HSD11B1: variants seen among roughly 807,000 people sequenced by gnomAD.
HSD11B1 encodes the protein hydroxysteroid 11-beta dehydrogenase 1, also known as 11-beta-hydroxysteroid dehydrogenase 1.
In HSD11B1, 15 loss-of-function variants were observed where a neutral mutation model predicts 22.1. The ratio of observed to expected loss-of-function variants is 0.68; its 90% confidence interval spans 0.45 to 1.04. The LOEUF (loss-of-function observed/expected upper bound fraction) is 1.04. Among genes scored for constraint, HSD11B1 ranks in the 50% least tolerant of loss-of-function variants. The pLI, the probability that HSD11B1 is intolerant of heterozygous loss-of-function variation, is 0.00. For synonymous variants in HSD11B1, 122 were observed against 125.2 expected (o/e 0.97, Z 0.17); for missense variants, 281 against 357.6 (o/e 0.79, Z 1.73).
intron 4 of HSD11B1, among the ~76,000 whole-genome samples, chr1:209,707,420 T>C (rs1042679335): frequency 6.7e-6 from 1 of 148,548 alleles, no homozygotes; most frequent in African/African-American, 2.5e-5. Context: ...AGTTACAATA[T>C]TAACTTGAAG....
At chr1:209,717,674 GGT>G (rs2076938354) in intron 4 of HSD11B1, among the ~76,000 whole-genome samples, 1 of 151,944 alleles carries the variant, frequency 6.6e-6, no homozygotes, top group African/African-American at 2.4e-5. Flanking sequence ...TGGCCAACAT[GGT>G]GAAACCCCAC....
chr1:209,729,817 G>C (rs1279816967), intron 4 of HSD11B1, among the ~76,000 whole-genome samples: 8 of 152,108 alleles, frequency 5.3e-5, no homozygotes, highest in Admixed American at 5.2e-4. Context: ...ATGCAAGGAT[G>C]GTTCAACATA....
intron 4 of HSD11B1, among the ~76,000 whole-genome samples, chr1:209,727,786 T>C (rs1379571973): frequency 1.3e-5 from 2 of 152,250 alleles, no homozygotes; most frequent in Non-Finnish European, 2.9e-5. Flanking sequence ...TCAGAGGTTA[T>C]TGTGTTTGCT....
upstream of HSD11B1, among the ~76,000 whole-genome samples, chr1:209,700,057 C>T (rs115127257): frequency 0.015 from 2,228 of 152,322 alleles, 67 homozygotes; most frequent in African/African-American, 0.05. Context: ...GTGTCTGCGG[C>T]TTTCCAAGCA....
chr1:209,709,876 C>T (rs548959451), intron 4 of HSD11B1, among the ~76,000 whole-genome samples: 1 of 151,688 alleles, frequency 6.6e-6, no homozygotes, highest in African/African-American at 2.4e-5. Flanking sequence ...CCCACATCAC[C>T]CATGCTAAAA....
chr1:209,694,170 A>C (rs2076777275), intron 1 of HSD11B1, among the ~76,000 whole-genome samples: 1 of 152,166 alleles, frequency 6.6e-6, no homozygotes. Context: ...TCCCAATTCT[A>C]TATCTTTAAC....
Position 209,734,500 on chromosome 1 carries a change from G to A in HSD11B1, c.858G>A (p.Met286Ile), listed in dbSNP as rs1002990401. 19 of 1,613,538 alleles carry A rather than the reference G, an allele frequency of 1.2e-5. No individual in the cohort carries two copies. The highest frequency in any genetic ancestry group is 1.5e-5 in the Non-Finnish European group (18 of 1,179,766). ...LEFLYSTSYN[M>I]DRFINK ...TTCTCTACTCAACGAGCTATAATAT[G>A]GACAGATTCATAAACAAGTAGGAAC... Residue 286 changes from methionine (M) to isoleucine (I), a missense_variant, in exon 6 of 6, where the codon ATG becomes ATA. Physicochemically the swap from Met to Ile is conservative, Grantham distance 10 (BLOSUM62 1). Coordinates refer to ENST00000367027, the MANE Select transcript of HSD11B1 (RefSeq NM_005525.4).
At chr1:209,698,545 G>A (rs1266197513) in intron 1 of HSD11B1, among the ~76,000 whole-genome samples, 6 of 152,212 alleles carry the variant, frequency 3.9e-5, no homozygotes. Flanking sequence ...TCTCAGCTGT[G>A]TGGGGCTCTC....
intron 4 of HSD11B1, among the ~76,000 whole-genome samples, chr1:209,726,526 T>C (rs1405586040): frequency 6.6e-6 from 1 of 152,126 alleles, no homozygotes; most frequent in East Asian, 1.9e-4. Context: ...GGATGAGCTA[T>C]GATCTCAACA....
intron 4 of HSD11B1, among the ~76,000 whole-genome samples, chr1:209,715,313 G>T (rs1245489281): frequency 6.6e-6 from 1 of 152,106 alleles, no homozygotes; most frequent in Non-Finnish European, 1.5e-5. Flanking sequence ...ATAGATGTGT[G>T]TCTACATATA....
At chr1:209,733,736 T>TAG (rs1365201517) in intron 5 of HSD11B1, among the ~76,000 whole-genome samples, 4 of 150,952 alleles carry the variant, frequency 2.6e-5, no homozygotes, top group Non-Finnish European at 4.4e-5. Context: ...GTTAGAGAAA[T>TAG]AGAGAGAGAG....
chr1:209,727,222 A>C (rs942924011), intron 4 of HSD11B1, among the ~76,000 whole-genome samples: 2 of 152,236 alleles, frequency 1.3e-5, no homozygotes, highest in Admixed American at 6.5e-5. Flanking sequence ...GCCAGCAGAC[A>C]TTAGAAGCTA....
At chr1:209,734,227 TG>T in intron 5 of HSD11B1, 76 bp from the exon 6 acceptor site, 1 of 1,123,818 alleles carries the variant, frequency 8.9e-7, no homozygotes, top group Non-Finnish European at 1.3e-6. Flanking sequence ...GACAGCTAAG[TG>T]GTTGATGTCT....
chr1:209,709,186 T>G (rs1302062634), intron 4 of HSD11B1, among the ~76,000 whole-genome samples: 1 of 152,252 alleles, frequency 6.6e-6, no homozygotes, highest in African/African-American at 2.4e-5. Context: ...AGGGAATACC[T>G]TAAGTTGTTT....
At chr1:209,732,673 T>C in intron 5 of HSD11B1, 94 bp downstream of exon 5, 1 of 1,036,064 alleles carries the variant, frequency 9.7e-7, no homozygotes, top group African/African-American at 1.6e-5. Context: ...TATGTATGCA[T>C]GTGCCATGTT....
intron 4 of HSD11B1, among the ~76,000 whole-genome samples, chr1:209,729,985 C>A (rs2077026014): frequency 6.6e-6 from 1 of 152,110 alleles, no homozygotes; most frequent in South Asian, 2.1e-4. Context: ...ACCTCAACAT[C>A]ATAAAGGCCA....
At chr1:209,689,556 G>A (rs967823934) in intron 1 of HSD11B1, among the ~76,000 whole-genome samples, 2 of 152,142 alleles carry the variant, frequency 1.3e-5, no homozygotes, top group African/African-American at 4.8e-5. Context: ...GAGTCGTGGG[G>A]GTGAATCCCT....
rs539068113 is a variant in HSD11B1, at chr1:209,729,479, T to C, written c.518-2957T>C. 1.4e-3 allele frequency among the ~76,000 whole-genome samples: 216 copies of C among 152,138 alleles called. 1 individual carries two copies. Among genetic ancestry groups the C allele is most frequent in the Middle Eastern group, 6.8e-3 (2 of 294 alleles). ...CAGCTCCATGGTCACCCAGGTTCCTTCCTTCTATCTAAACTATCTAAATGT... is the reference window on the plus strand; with the variant it reads ...CAGCTCCATGGTCACCCAGGTTCCTCCCTTCTATCTAAACTATCTAAATGT... On this transcript the variant is annotated intron_variant, in intron 4 of 5. Transcript: ENST00000367027.
At chr1:209,686,768 C>T (rs538917379) in intron 1 of HSD11B1, among the ~76,000 whole-genome samples, 11 of 152,182 alleles carry the variant, frequency 7.2e-5, no homozygotes, top group Admixed American at 3.9e-4. Context: ...CATGTTGCAG[C>T]CAAACATCAG....
Sources: allele counts gnomAD v4.1 joint callset (sites outside exome capture counted in the v4.1 genomes callset), GRCh38; gene constraint gnomAD v4.1.1; transcripts MANE v1.5; gene names NCBI Gene and HGNC (gene_info 2026-07-23, HGNC 2026-07-21).